The following DTNA variants were observed in gnomAD, a reference collection of about 807,000 sequenced individuals.
DTNA encodes dystrophin-related protein 3.
Under a neutral mutation model 100.7 loss-of-function variants are expected in DTNA, and 43 were observed. The observed-to-expected ratio is 0.43, with a 90% CI of 0.33 to 0.55. DTNA has a LOEUF of 0.55. DTNA is among the 20% of genes least tolerant of loss of function. The pLI, the probability that DTNA is intolerant of heterozygous loss-of-function variation, is 0.04. For missense variants in DTNA, 798 were observed against 953.9 expected (o/e 0.84, Z 2.15); for synonymous variants, 349 against 347.9 (o/e 1.00, Z -0.04).
intron 3 of DTNA, among the ~76,000 whole-genome samples, chr18:34,778,530 A>G (rs1036824603): frequency 6.6e-6 from 1 of 152,182 alleles, no homozygotes; most frequent in Non-Finnish European, 1.5e-5. Flanking sequence ...AAGCATCATC[A>G]CTGTCAATTT....
intron 1 of DTNA, among the ~76,000 whole-genome samples, chr18:34,690,663 G>A (rs2079621177): frequency 6.6e-6 from 1 of 152,198 alleles, no homozygotes; most frequent in Non-Finnish European, 1.5e-5. Context: ...GTAATCTCAA[G>A]TACTTCTGTT....
chr18:34,794,657 C>G (rs1474246715), intron 4 of DTNA, among the ~76,000 whole-genome samples: 1 of 152,144 alleles, frequency 6.6e-6, no homozygotes, highest in Non-Finnish European at 1.5e-5. Flanking sequence ...GGCCCTACAG[C>G]AAACAAGAAA....
At chr18:34,576,782 T>C (rs2685557) in intron 1 of DTNA, among the ~76,000 whole-genome samples, 30,558 of 151,978 alleles carry the variant, frequency 0.2, 3,623 homozygotes, top group African/African-American at 0.32. Flanking sequence ...ATTTGTATGA[T>C]AGTCGGGGAA....
chr18:34,863,883 A>C (rs2096661291), intron 16 of DTNA, 83 bp from the exon 17 acceptor site: 13 of 1,368,810 alleles, frequency 9.5e-6, no homozygotes, highest in African/African-American at 1.4e-5. Flanking sequence ...TTTTTCTGAC[A>C]GTCCACAAGT....
chr18:34,709,081 G>T (rs2082469232), upstream of DTNA, among the ~76,000 whole-genome samples: 1 of 151,878 alleles, frequency 6.6e-6, no homozygotes, highest in Admixed American at 6.6e-5. Flanking sequence ...TCTCTGAAGG[G>T]TTTAACCACA....
chr18:34,757,712 T>C (rs185800763), intron 2 of DTNA, among the ~76,000 whole-genome samples: 1 of 152,274 alleles, frequency 6.6e-6, no homozygotes, highest in East Asian at 1.9e-4. Flanking sequence ...ATAAGACAAC[T>C]CTAAGTTTTT....
chr18:34,565,512 G>T (rs1246344627), intron 1 of DTNA, among the ~76,000 whole-genome samples: 3 of 152,192 alleles, frequency 2.0e-5, no homozygotes, highest in Non-Finnish European at 2.9e-5. Flanking sequence ...GAGGCTAGAA[G>T]TCCAAAATCA....
intron 1 of DTNA, among the ~76,000 whole-genome samples, chr18:34,735,112 G>C (rs1217840551): frequency 6.6e-6 from 1 of 151,854 alleles, no homozygotes; most frequent in African/African-American, 2.4e-5. Context: ...ACATGTGTAA[G>C]GAGAGCCAGT....
chr18:34,877,801 G>T lies in DTNA; in HGVS notation c.1986G>T (p.Leu662=). The change falls in exon 19 of 23, where the codon CTG becomes CTT. Residue 662 remains leucine (L), a synonymous_variant. Transcript: ENST00000444659. ...CTATGTCCTCTCTTGTGAAAGAGCT[G>T]AATTCTGGTGAGTTCCTGATTCCCT... is the stretch of plus-strand genomic sequence containing the variant. ...TNTMSSLVKE[L]NSEVGSETES... 6.2e-7 allele frequency: 1 copy of T among 1,613,670 alleles called. No homozygotes were observed. Among genetic ancestry groups the T allele is most frequent in the Non-Finnish European group, 8.5e-7 (1 of 1,179,710 alleles).
intron 1 of DTNA, among the ~76,000 whole-genome samples, chr18:34,720,835 C>G (rs1050732178): frequency 2.6e-5 from 4 of 152,160 alleles, no homozygotes; most frequent in African/African-American, 9.7e-5. Context: ...TCTGTGATGG[C>G]TTTTTCTCCA....
At chr18:34,495,236 T>C (rs1194912883) in intron 1 of DTNA, among the ~76,000 whole-genome samples, 1 of 152,230 alleles carries the variant, frequency 6.6e-6, no homozygotes, top group Admixed American at 6.5e-5. Flanking sequence ...ATTAACTCTT[T>C]TTCTACTTTT....
intron 1 of DTNA, among the ~76,000 whole-genome samples, chr18:34,598,553 G>T (rs1233066536): frequency 6.6e-6 from 1 of 152,112 alleles, no homozygotes; most frequent in Non-Finnish European, 1.5e-5. Flanking sequence ...AAAGCTTGTG[G>T]AAAACTTTTC....
At chr18:34,840,838 A>G (rs1012769491) in intron 13 of DTNA, among the ~76,000 whole-genome samples, 1 of 151,594 alleles carries the variant, frequency 6.6e-6, no homozygotes, top group Non-Finnish European at 1.5e-5. Flanking sequence ...CAAATTTCTC[A>G]TTTTTTCTTC....
At chr18:34,778,397 T>C (rs1007035651) in intron 3 of DTNA, among the ~76,000 whole-genome samples, 3 of 152,216 alleles carry the variant, frequency 2.0e-5, no homozygotes, top group African/African-American at 7.2e-5. Flanking sequence ...TTTTATAGCA[T>C]ATTTTATCTT....
At chr18:34,570,697 G>A (rs2047503498) in intron 1 of DTNA, among the ~76,000 whole-genome samples, 1 of 152,188 alleles carries the variant, frequency 6.6e-6, no homozygotes, top group Admixed American at 6.5e-5. Context: ...CAAAATACTG[G>A]TGGTAGGATC....
intron 1 of DTNA, among the ~76,000 whole-genome samples, chr18:34,501,379 A>T (rs2039903614): frequency 6.6e-6 from 1 of 152,130 alleles, no homozygotes; most frequent in South Asian, 2.1e-4. Flanking sequence ...TATTTTGTTA[A>T]AGATTTTTAC....
At chr18:34,790,567 A>ATTTTTTTTTTTT (rs1212453384) in intron 3 of DTNA, among the ~76,000 whole-genome samples, 1 of 39,654 alleles carries the variant, frequency 2.5e-5, no homozygotes, top group African/African-American at 9.1e-5. Flanking sequence ...ATATATATAT[A>ATTTTTTTTTTTT]TTTTTTTTTT....
At chr18:34,848,505 G>T in intron 14 of DTNA, 122 bp downstream of exon 14, 1 of 1,076,116 alleles carries the variant, frequency 9.3e-7, no homozygotes, top group Non-Finnish European at 1.4e-6. Context: ...AATTTATTGT[G>T]CATGTGTTTG....
chr18:34,690,588 G>T (rs2079612656), intron 1 of DTNA, among the ~76,000 whole-genome samples: 1 of 152,210 alleles, frequency 6.6e-6, no homozygotes, highest in African/African-American at 2.4e-5. Context: ...CAGCCATCTT[G>T]CCACAATGGG....
Sources: gnomAD v4.1 joint callset for allele counts (sites outside exome capture counted in the v4.1 genomes callset) on GRCh38, gnomAD v4.1.1 for gene constraint, MANE v1.5 for transcripts, NCBI Gene and HGNC (gene_info 2026-07-23, HGNC 2026-07-21) for gene names.